PM20D2: variants seen among roughly 807,000 people sequenced by gnomAD.
PM20D2 encodes the protein peptidase M20 domain containing 2, also known as xaa-Arg dipeptidase.
A neutral mutation model predicts 42.9 loss-of-function variants in PM20D2; 33 were observed. The ratio of observed to expected loss-of-function variants is 0.77; its 90% CI spans 0.58 to 1.03. PM20D2 has a LOEUF of 1.03. Among genes scored for constraint, PM20D2 ranks in the 50% least tolerant of loss-of-function variants. PM20D2 has a pLI of 0.00. For missense variants in PM20D2, 548 were observed against 557.0 expected (o/e 0.98, Z 0.16); for synonymous variants, 250 against 228.2 (o/e 1.10, Z -0.86).
rs778593626 is a variant in PM20D2 at position 89,162,148 on chromosome 6, A to G, written c.1196A>G (p.Lys399Arg). 8 of 1,614,180 alleles carry G rather than the reference A, an allele frequency of 5.0e-6. No individual in the cohort carries two copies. In the East Asian group the frequency reaches 1.6e-4, roughly 31 times the overall value. Residue 399 changes from lysine (K) to arginine (R), a missense_variant, in exon 7 of 7, where the codon AAA becomes AGA. Physicochemically the swap from Lys to Arg is conservative, Grantham distance 26. Around this residue, in one of 3 missense-constraint regions of PM20D2, gnomAD observed 71 missense variants for 69.7 expected, o/e 1.02. Transcript: ENST00000275072. ...CAGTTCTACACTCTGCGGACGGCCA[A>G]AGCTCTGGCAATGACGGCACTGGAT... ...EAQFYTLRTA[K>R]ALAMTALDVI... is the part of the protein sequence containing the mutation.
chr6:89,159,277 T>C (rs1179442664), intron 5 of PM20D2, among the ~76,000 whole-genome samples: 2 of 152,064 alleles, frequency 1.3e-5, no homozygotes, highest in East Asian at 3.9e-4. Context: ...AGATCAGACA[T>C]TGGCAGTCAA....
In PM20D2 at chr6:89,146,262, G is replaced by A. The variant is rs1770542915; in HGVS notation, c.118G>A (p.Ala40Thr). The change falls in exon 1 of 7, where the codon GCC (alanine) becomes ACC (threonine). Residue 40 changes from alanine (A) to threonine (T), a missense_variant. Physicochemically the swap from Ala to Thr is moderately conservative, Grantham distance 58. Coordinates refer to ENST00000275072, the MANE Select transcript of PM20D2 (RefSeq NM_001010853.3). ...CIDEAAERLG[A>T]LSRAIWSQPE... ...CGACGAGGCGGCCGAGCGGCTGGGG[G>A]CCCTGAGCCGCGCGATCTGGAGCCA... The A allele has an allele frequency of 6.3e-6, 10 of 1,580,488 alleles. No homozygotes were observed. The highest frequency in any genetic ancestry group is 6.8e-6 in the Non-Finnish European group (8 of 1,171,370).
At chr6:89,112,692 A>T in the PM20D2 span, among the ~76,000 whole-genome samples, 20 of 152,178 alleles carry the variant, frequency 1.3e-4, no homozygotes, top group African/African-American at 3.1e-4. Flanking sequence ...GATTACAAGC[A>T]TAAGCCACTG....
At chr6:89,129,868 C>T in the PM20D2 span, among the ~76,000 whole-genome samples, 1 of 151,970 alleles carries the variant, frequency 6.6e-6, no homozygotes, top group East Asian at 1.9e-4. Flanking sequence ...GCTGGGACTA[C>T]AGGTGTGTGC....
the PM20D2 span, among the ~76,000 whole-genome samples, chr6:89,135,751 A>G: frequency 8.4e-3 from 1,274 of 151,320 alleles, 87 homozygotes; most frequent in African/African-American, 0.03. Flanking sequence ...AATTGTGTAT[A>G]TGGCATCATT....
At chr6:89,135,449 A>T in the PM20D2 span, among the ~76,000 whole-genome samples, 1 of 151,354 alleles carries the variant, frequency 6.6e-6, no homozygotes, top group African/African-American at 2.5e-5. Context: ...TGTAAGATTT[A>T]AAGGCATTTC....
At chr6:89,156,840 G>A (rs1771066125) in intron 4 of PM20D2, among the ~76,000 whole-genome samples, 1 of 152,206 alleles carries the variant, frequency 6.6e-6, no homozygotes, top group Non-Finnish European at 1.5e-5. Context: ...ATGGACAGAT[G>A]TAGGAGCAAA....
the PM20D2 span, among the ~76,000 whole-genome samples, chr6:89,111,272 T>C: frequency 9.1e-4 from 139 of 152,294 alleles, no homozygotes; most frequent in African/African-American, 3.3e-3. Flanking sequence ...GCACACCTTG[T>C]TTATTCTATT....
chr6:89,130,819 CTTTTTTTTTTTTTTT>C, the PM20D2 span, among the ~76,000 whole-genome samples: 7 of 24,038 alleles, frequency 2.9e-4, no homozygotes, highest in Non-Finnish European at 3.9e-4. Flanking sequence ...GCTTCTTCTT[CTTTTTTTTTTTTTTT>C]TTTTTTTTTT....
the PM20D2 span, chr6:89,106,839 T>C: frequency 5.2e-6 from 2 of 383,732 alleles, no homozygotes; most frequent in Non-Finnish European, 1.0e-5. Flanking sequence ...GTTGGCTTTG[T>C]CTTTTGCTTG....
chr6:89,098,701 T>C, the PM20D2 span: 32 of 1,613,854 alleles, frequency 2.0e-5, no homozygotes, highest in Non-Finnish European at 2.7e-5. Flanking sequence ...ACGGGGATCT[T>C]GCTATTGAGT....
Position 89,146,591 on chromosome 6 carries a change from G to A in PM20D2, c.447G>A (p.Arg149=). ...GVRGALEGLP[R]PPPPVKVVVL... ...GGGGGGCCTTAGAGGGCCTCCCCAG[G>A]CCGCCTCCGCCCGTGAAGGTGAGGT... The change falls in exon 1 of 7, where the codon AGG becomes AGA. Residue 149 remains arginine (R), a synonymous_variant. Coordinates refer to ENST00000275072, the MANE Select transcript of PM20D2 (RefSeq NM_001010853.3). 1.4e-6 allele frequency: 2 copies of A among 1,453,628 alleles called. No individual in the cohort carries two copies. Among genetic ancestry groups the A allele is most frequent in the South Asian group, 1.3e-5 (1 of 74,420 alleles). 90.0% of individuals were successfully genotyped at this position (1,453,628 alleles called of 1,614,324 possible).
intron 5 of PM20D2, among the ~76,000 whole-genome samples, chr6:89,159,307 G>A (rs1256249276): frequency 6.6e-6 from 1 of 152,184 alleles, no homozygotes; most frequent in Non-Finnish European, 1.5e-5. Flanking sequence ...CAGAGAGAAA[G>A]CCAGACAATC....
At chr6:89,098,562 C>A in the PM20D2 span, 1 of 1,591,344 alleles carries the variant, frequency 6.3e-7, no homozygotes, top group Non-Finnish European at 8.6e-7. Context: ...CGGCGTGGTG[C>A]TCTTTCTGTT....
At chr6:89,098,907 G>A in the PM20D2 span, 3 of 1,613,732 alleles carry the variant, frequency 1.9e-6, no homozygotes, top group Non-Finnish European at 2.5e-6. Flanking sequence ...GATTTGGAAC[G>A]AGATTTAGAC....
chr6:89,105,516 C>T, the PM20D2 span: 13 of 1,602,884 alleles, frequency 8.1e-6, no homozygotes, highest in South Asian at 7.9e-5. Context: ...TTCAGCATCT[C>T]GAACATCTTC....
chr6:89,148,409 C>A, intron 1 of PM20D2: 1 of 373,972 alleles, frequency 2.7e-6, no homozygotes, highest in Non-Finnish European at 3.7e-6. Context: ...TGTTCTTATA[C>A]ATGATCTTGA....
intron 2 of PM20D2, among the ~76,000 whole-genome samples, chr6:89,149,753 C>T (rs1308943017): frequency 3.3e-5 from 5 of 152,170 alleles, no homozygotes; most frequent in African/African-American, 4.8e-5. Context: ...AATAGATTTG[C>T]GAGAGATCGT....
rs981635962 is a variant in PM20D2 at position 89,162,576 on chromosome 6, A to T, written c.*313A>T. 3 of 195,520 alleles carry T rather than the reference A, an allele frequency of 1.5e-5. No homozygotes were observed. The highest frequency in any genetic ancestry group is 7.0e-5 in the African/African-American group (3 of 42,712). The allele number at this position is 195,520 out of a possible 1,614,324, so 12.1% of individuals were successfully genotyped here. ...CTTAACCTGGAGGATACATGGCATCATTTTTATAAAATATGTTAGTAAACC... is the reference window on the plus strand; with the variant it reads ...CTTAACCTGGAGGATACATGGCATCTTTTTTATAAAATATGTTAGTAAACC... On this transcript the variant is annotated 3_prime_UTR_variant, in exon 7 of 7. Transcript: ENST00000275072.
Sources: gnomAD v4.1 joint callset for allele counts (sites outside exome capture counted in the v4.1 genomes callset) on GRCh38, gnomAD v4.1.1 for gene constraint, gnomAD v4.1.1 regional missense constraint, MANE v1.5 for transcripts, NCBI Gene and HGNC (gene_info 2026-07-23, HGNC 2026-07-21) for gene names.